The following BICDL1 variants were observed in gnomAD, a reference collection of about 807,000 sequenced individuals.
BICDL1 encodes the protein BICD family like cargo adaptor 1.
A neutral mutation model predicts 76.8 loss-of-function variants in BICDL1; 20 were observed. That is an observed-to-expected ratio of 0.26 (90% CI 0.18 to 0.38). The LOEUF is 0.38. Ranked by LOEUF, BICDL1 falls within the 10% of genes least tolerant of loss-of-function variation. BICDL1 has a pLI of 1.00. For synonymous variants in BICDL1, 383 were observed against 337.1 expected, an observed-to-expected ratio of 1.14 and a Z score of -1.49; for missense variants, 700 against 798.6, an observed-to-expected ratio of 0.88 and a Z score of 1.49.
intron 2 of BICDL1, among the ~76,000 whole-genome samples, chr12:120,013,135 A>AC (rs1477093021): frequency 2.6e-5 from 4 of 151,940 alleles, no homozygotes; most frequent in Non-Finnish European, 5.9e-5. Context: ...ACATGGCGAA[A>AC]CCCCGTCTCT....
intron 2 of BICDL1, among the ~76,000 whole-genome samples, chr12:120,054,540 T>C (rs11065005): frequency 0.086 from 13,114 of 152,196 alleles, 689 homozygotes; most frequent in African/African-American, 0.14. Flanking sequence ...AATAAGGGAA[T>C]GGTAAAGGAA....
chr12:120,009,551 A>T (rs1160682797), intron 2 of BICDL1, among the ~76,000 whole-genome samples: 2 of 152,168 alleles, frequency 1.3e-5, no homozygotes. Flanking sequence ...GATTCACTCA[A>T]TCCTTGTAGA....
At chr12:120,009,246 A>G (rs925800012) in intron 2 of BICDL1, among the ~76,000 whole-genome samples, 1 of 152,114 alleles carries the variant, frequency 6.6e-6, no homozygotes, top group Non-Finnish European at 1.5e-5. Context: ...TCGGCCTCCC[A>G]AAGTGCTGGG....
At chr12:120,074,349 C>G (rs2138956808) in intron 6 of BICDL1, 94 bp from the exon 7 acceptor site, 2 of 829,192 alleles carry the variant, frequency 2.4e-6, no homozygotes, top group Middle Eastern at 6.1e-4. Flanking sequence ...CATTTCTCCT[C>G]TCCTTCTCTC....
intron 2 of BICDL1, chr12:120,056,933 G>C: frequency 5.4e-6 from 2 of 372,728 alleles, no homozygotes; most frequent in Non-Finnish European, 1.0e-5. Flanking sequence ...ATGCAGGTTA[G>C]GGCTCTACAG....
At chr12:120,056,091 A>T (rs1244319160) in intron 2 of BICDL1, among the ~76,000 whole-genome samples, 1 of 152,246 alleles carries the variant, frequency 6.6e-6, no homozygotes, top group East Asian at 1.9e-4. Context: ...GAAAATTTCT[A>T]AAAGGACTCC....
intron 2 of BICDL1, among the ~76,000 whole-genome samples, chr12:120,034,762 G>A (rs1429294174): frequency 6.6e-6 from 1 of 152,148 alleles, no homozygotes; most frequent in Non-Finnish European, 1.5e-5. Flanking sequence ...CCCATTTCTT[G>A]TTGCTATAGG....
At chr12:120,050,981 C>A (rs1952846725) in intron 2 of BICDL1, among the ~76,000 whole-genome samples, 1 of 152,024 alleles carries the variant, frequency 6.6e-6, no homozygotes, top group South Asian at 2.1e-4. Flanking sequence ...TATCTTGGAT[C>A]TTTTCCAAAT....
intron 1 of BICDL1, among the ~76,000 whole-genome samples, chr12:119,997,343 T>C (rs1951671513): frequency 6.6e-6 from 1 of 152,208 alleles, no homozygotes; most frequent in Non-Finnish European, 1.5e-5. Context: ...CCATCTTTCA[T>C]ATGCAATTTG....
intron 2 of BICDL1, among the ~76,000 whole-genome samples, chr12:120,025,753 G>A (rs1952286194): frequency 6.6e-6 from 1 of 152,054 alleles, no homozygotes. Context: ...CAGGTATTAA[G>A]GAATTATTTT....
At chr12:120,013,211 G>T (rs561742807) in intron 2 of BICDL1, among the ~76,000 whole-genome samples, 1 of 151,910 alleles carries the variant, frequency 6.6e-6, no homozygotes, top group Admixed American at 6.6e-5. Flanking sequence ...CTACTCAGAA[G>T]GCTGAGGCAG....
chr12:119,995,971 G>A (rs113178475), intron 1 of BICDL1, among the ~76,000 whole-genome samples: 2,583 of 150,092 alleles, frequency 0.017, 69 homozygotes, highest in African/African-American at 0.06. Flanking sequence ...GGGAGACAGA[G>A]CAAGACTCCG....
intron 8 of BICDL1, among the ~76,000 whole-genome samples, chr12:120,089,330 A>T: frequency 7.0e-6 from 1 of 142,118 alleles, no homozygotes; most frequent in Non-Finnish European, 1.5e-5. Flanking sequence ...CTGCTCTTTC[A>T]ACGTGTGTGT....
chr12:120,025,031 T>G (rs1248830768), intron 2 of BICDL1, among the ~76,000 whole-genome samples: 1 of 150,156 alleles, frequency 6.7e-6, no homozygotes, highest in East Asian at 2.0e-4. Context: ...AAAGTGTGTG[T>G]GATATTATAC....
chr12:120,091,524 G>A (rs181960181), intron 9 of BICDL1: 23 of 845,976 alleles, frequency 2.7e-5, no homozygotes, highest in East Asian at 2.3e-4. Context: ...AGGAGGGACC[G>A]TGTGTTGGCA....
intron 2 of BICDL1, among the ~76,000 whole-genome samples, chr12:120,003,239 G>A (rs10849734): frequency 0.086 from 13,027 of 151,614 alleles, 677 homozygotes; most frequent in African/African-American, 0.14. Context: ...AGGGTGAGGA[G>A]CCAGCTGTGG....
chr12:120,079,571 G>A lies in BICDL1; in HGVS notation c.1453-1316G>A, dbSNP rs181597525. Among the ~76,000 whole-genome samples the A allele has an allele frequency of 3.9e-4, 60 of 152,264 alleles. No individual in the cohort carries two copies. The highest frequency in any genetic ancestry group is 2.6e-3 in the Admixed American group (39 of 15,294). The stretch of plus-strand genomic sequence containing the variant: ...GGCAGGGCTAGGCATCCTGACTCAC[G>A]TCTGATCTTATCAACTGAGAAGAAG... On this transcript the variant is annotated intron_variant, in intron 7 of 9. Transcript: ENST00000548673. This position sits in a 1 kb window ranked among gnomAD's most constrained non-coding sequence, Gnocchi z 4.3.
chr12:119,992,323 C>A (rs1951540776), intron 1 of BICDL1: 1 of 152,208 alleles, frequency 6.6e-6, no homozygotes, highest in African/African-American at 2.4e-5. Context: ...CCCCACAGTA[C>A]ATTGTTTGAA....
At chr12:120,033,209 G>C (rs1435095403) in intron 2 of BICDL1, among the ~76,000 whole-genome samples, 1 of 151,980 alleles carries the variant, frequency 6.6e-6, no homozygotes, top group Non-Finnish European at 1.5e-5. Context: ...GTCCTTTACA[G>C]CTGGTTCACA....
Sources: gnomAD v4.1 joint callset for allele counts (sites outside exome capture counted in the v4.1 genomes callset) on GRCh38, gnomAD v4.1.1 for gene constraint, Gnocchi (gnomAD v3.1) non-coding constraint, MANE v1.5 for transcripts, NCBI Gene and HGNC (gene_info 2026-07-23, HGNC 2026-07-21) for gene names.